The following NOTCH3 variants were observed in gnomAD, a reference collection of about 807,000 sequenced individuals.
The protein encoded by NOTCH3 is neurogenic locus notch homolog protein 3.
A neutral mutation model predicts 213.3 loss-of-function variants in NOTCH3; 86 were observed. The observed-to-expected ratio is 0.40, with a 90% CI of 0.34 to 0.48. The LOEUF (loss-of-function observed/expected upper bound fraction) is 0.48, where lower values mean the gene tolerates loss of function less well. NOTCH3 is among the 20% of genes least tolerant of loss of function. The pLI, the probability that NOTCH3 is intolerant of heterozygous loss-of-function variation, is 0.57. For missense variants in NOTCH3, 2,783 were observed against 3,272.6 expected (o/e 0.85, Z 3.65); for synonymous variants, 1,354 against 1,355.9 (o/e 1.00, Z 0.03).
At position 15,160,972 on chromosome 19, in the gene NOTCH3, T is replaced by G; in HGVS notation, c.6656A>C (p.Glu2219Ala). The G allele has an allele frequency of 1.9e-6, 3 of 1,570,826 alleles. No individual in the cohort carries two copies. Among genetic ancestry groups the G allele is most frequent in the Admixed American group, 3.7e-5 (2 of 54,132 alleles). ...GTGTGCCCCAGCCGCCGGGTACTCC[T>G]CGCCATGTCCTGGGACTGCCAGGTA... ...PPYLAVPGHG[E>A]EYPAAGAHSS... Residue 2219 changes from glutamate to alanine, a missense_variant, in exon 33 of 33, where the codon GAG becomes GCG. Transcript: ENST00000263388.
In NOTCH3 at chr19:15,187,178, C is replaced by G. The variant is rs762273376; in HGVS notation, c.1767G>C (p.Gln589His). Residue 589 changes from glutamine to histidine, a missense_variant, in exon 11 of 33, where the codon CAG (glutamine) becomes CAC (histidine). This residue lies in a region of NOTCH3 where 708 missense variants were observed against 906.6 expected (regional missense o/e 0.78). Coordinates refer to ENST00000263388, the MANE Select transcript of NOTCH3 (RefSeq NM_000435.3). ...GGCATTTGCCGCCATGGCGGCAGGG[C>G]TGGCTGCGGCATTCGTCCACCTGGC... ...CESQVDECRS[Q>H]PCRHGGKCLD... 1.2e-6 allele frequency: 2 copies of G among 1,614,088 alleles called. No homozygotes were observed. The highest frequency in any genetic ancestry group is 1.3e-5 in the African/African-American group (1 of 75,068).
rs2046820478 is a variant in NOTCH3, at chr19:15,179,416, T to C, written c.3408A>G (p.Ser1136=). The change falls in exon 21 of 33, where the codon TCA becomes TCG. Residue 1136 remains serine (S), a synonymous_variant. Transcript: ENST00000263388. The part of the protein sequence containing the change: ...CASQPCQHGG[S]CIDLVARYLC... ...GATAGCGGGCCACGAGGTCAATGCA[T>C]GAACCCCCGTGCTGGCAGGGCTGGG... The C allele has an allele frequency of 1.2e-6, 2 of 1,614,034 alleles. No homozygotes were observed. The highest frequency in any genetic ancestry group is 1.3e-5 in the African/African-American group (1 of 75,012).
intron 31 of NOTCH3, among the ~76,000 whole-genome samples, chr19:15,163,774 A>C (rs7245850): frequency 0.9 from 136,952 of 152,108 alleles, 61,961 homozygotes; most frequent in African/African-American, 0.97. Flanking sequence ...GAGGCTGCAG[A>C]GAGCCGTAAT....
chr19:15,166,794 C>G lies in NOTCH3; in HGVS notation c.5362+455G>C, dbSNP rs371511821. Among the ~76,000 whole-genome samples, 72 of 152,258 alleles carry G rather than the reference C, an allele frequency of 4.7e-4. 1 individual carries two copies. The South Asian group carries it at 5.0e-3, about 11-fold the overall frequency. On this transcript the variant is annotated intron_variant, in intron 29 of 32. Transcript: ENST00000263388. The stretch of plus-strand genomic sequence containing the variant: ...TCTCAAGCCCTGGGTAGAGACTGAC[C>G]TCCCCGCTCCACCAGCAGACCCGAC...
chr19:15,197,441 G>GGCCCCCCC, intron 2 of NOTCH3, 59 bp downstream of exon 2: 7 of 768,358 alleles, frequency 9.1e-6, no homozygotes, highest in East Asian at 2.7e-5. Flanking sequence ...AAGACAAATC[G>GGCCCCCCC]CCCCTCCCCC....
At chr19:15,199,672 A>G (rs1446288712) in intron 1 of NOTCH3, among the ~76,000 whole-genome samples, 1 of 152,270 alleles carries the variant, frequency 6.6e-6, no homozygotes, top group African/African-American at 2.4e-5. Context: ...ACCTAGAGCT[A>G]TGTGTGCCAG....
At chr19:15,162,284 T>C in intron 32 of NOTCH3, 181 bp downstream of exon 32, 2 of 607,458 alleles carry the variant, frequency 3.3e-6, no homozygotes, top group Non-Finnish European at 5.9e-6. Context: ...ACCCAGCCAT[T>C]AGGCACAAAA....
intron 29 of NOTCH3, among the ~76,000 whole-genome samples, chr19:15,166,818 AC>A (rs1186109197): frequency 6.6e-6 from 1 of 151,808 alleles, no homozygotes; most frequent in Non-Finnish European, 1.5e-5. Context: ...AGCAGACCCG[AC>A]CCCCACCAGC....
At position 15,159,524 on chromosome 19, in the gene NOTCH3, AG is replaced by A. The variant is rs1489442418; in HGVS notation, c.*1137del. On this transcript the variant is annotated 3_prime_UTR_variant, in exon 33 of 33. Coordinates refer to ENST00000263388, the MANE Select transcript of NOTCH3 (RefSeq NM_000435.3). ...AAGAGGAAGCATAAGTAGACTGGCA[AG>A]TCAAATGTATTTACCCCAAGATGGG... 9.8e-6 allele frequency: 2 copies of A among 204,396 alleles called. No individual in the cohort carries two copies. The highest frequency in any genetic ancestry group is 2.0e-5 in the Non-Finnish European group (2 of 99,852). The allele number at this position is 204,396 out of a possible 1,614,324, so 12.7% of individuals were successfully genotyped here.
chr19:15,161,008 C>T lies in NOTCH3; in HGVS notation c.6620G>A (p.Arg2207Gln), dbSNP rs765739997. Residue 2207 changes from arginine to glutamine, a missense_variant, in exon 33 of 33, where the codon CGG becomes CAG. Around this residue, in one of 6 missense-constraint regions of NOTCH3, gnomAD observed 441 missense variants for 432.1 expected, o/e 1.02. Coordinates refer to ENST00000263388, the MANE Select transcript of NOTCH3 (RefSeq NM_000435.3). ...NPGTPVSPQE[R>Q]PPPYLAVPGH... ...TGGGACTGCCAGGTAAGGCGGGGGC[C>T]GCTCCTGCGGGGAGACGGGGGTCCC... 2.5e-5 allele frequency: 39 copies of T among 1,542,786 alleles called. No homozygotes were observed. In the Middle Eastern group the frequency reaches 5.2e-4, roughly 20 times the overall value.
chr19:15,195,590 G>A (rs901751021), intron 2 of NOTCH3, among the ~76,000 whole-genome samples: 1 of 141,896 alleles, frequency 7.0e-6, no homozygotes, highest in Admixed American at 7.1e-5. Context: ...CCCCCACCCC[G>A]GCCCCCAGCG....
In NOTCH3 at chr19:15,167,346, C is replaced by T. The variant is rs1021237220; in HGVS notation, c.5265G>A (p.Leu1755=). ...VDCRQWTQHH[L]VAADIRVAPA... ...GTGCCACGCGGATGTCAGCAGCAAC[C>T]AGATGGTGTTGAGTCCACTGACGGC... is the stretch of plus-strand genomic sequence containing the variant. The change falls in exon 29 of 33, where the codon CTG becomes CTA. Residue 1755 remains leucine (L), a synonymous_variant. Transcript: ENST00000263388. 9 of 1,612,594 alleles carry T rather than the reference C, an allele frequency of 5.6e-6. No homozygotes were observed. The Admixed American group carries it at 1.2e-4, about 21-fold the overall frequency.
In NOTCH3 at chr19:15,185,589, C is replaced by T. The variant is rs2046875150; in HGVS notation, c.2042G>A (p.Cys681Tyr). The change falls in exon 13 of 33, where the codon TGC (cysteine) becomes TAC (tyrosine). Residue 681 changes from cysteine (C) to tyrosine (Y), a missense_variant. By Grantham distance (194) the Cys-to-Tyr change is radical. Transcript: ENST00000263388. This position sits in a 1 kb window ranked among gnomAD's most constrained non-coding sequence, Gnocchi z 4.2. ...SCVDGENGFR[C>Y]LCPPGSLPPL... ...GGGCAAGGAGCCAGGCGGGCAGAGG[C>T]AGCGGAAGCCATTTTCCCCATCCAC... The T allele has an allele frequency of 6.2e-7, 1 of 1,613,632 alleles. No individual in the cohort carries two copies. Among genetic ancestry groups the T allele is most frequent in the South Asian group, 1.1e-5 (1 of 91,082 alleles).
intron 16 of NOTCH3, among the ~76,000 whole-genome samples, chr19:15,182,674 C>T (rs1406786642): frequency 6.6e-6 from 1 of 151,268 alleles, no homozygotes; most frequent in Non-Finnish European, 1.5e-5. Flanking sequence ...TGGGGTTTCG[C>T]TCTTGTTGCC....
intron 2 of NOTCH3, among the ~76,000 whole-genome samples, chr19:15,196,581 C>T (rs894049812): frequency 6.6e-6 from 1 of 152,158 alleles, no homozygotes; most frequent in Admixed American, 6.6e-5. Context: ...ATGGCTACTG[C>T]GTGAACTGCT....
chr19:15,179,679 C>G (rs1407132811), intron 20 of NOTCH3, 183 bp from the exon 21 acceptor site: 1 of 661,770 alleles, frequency 1.5e-6, no homozygotes, highest in South Asian at 1.7e-5. Context: ...ATCAGGAGTT[C>G]GAGACCAGCC....
At chr19:15,190,551 C>T (rs1185957030) in intron 6 of NOTCH3, among the ~76,000 whole-genome samples, 4 of 152,176 alleles carry the variant, frequency 2.6e-5, no homozygotes, top group South Asian at 2.1e-4. Flanking sequence ...CAGGCTTACA[C>T]TTCCCCACTA....
chr19:15,200,070 G>C (rs2046999911), intron 1 of NOTCH3, among the ~76,000 whole-genome samples: 2 of 151,382 alleles, frequency 1.3e-5, no homozygotes, highest in Admixed American at 1.3e-4. Flanking sequence ...GCCCCTGGCC[G>C]GCTGGGGAGG....
rs778762488 is a variant in NOTCH3, at chr19:15,200,743, C to T, written c.118+45G>A. The T allele has an allele frequency of 2.4e-6, 3 of 1,233,772 alleles. No individual in the cohort carries two copies. The East Asian group carries it at 9.6e-5, about 39-fold the overall frequency. The allele number at this position is 1,233,772 out of a possible 1,614,324, so 76.4% of individuals were successfully genotyped here. On this transcript the variant is annotated intron_variant, in intron 1 of 32. Transcript: ENST00000263388. ...CCCGGCCTTGGGGGTTCTTGCACTC[C>T]CCCTCTGCCGCCCTCGTCCCATCCG... is the stretch of plus-strand genomic sequence containing the variant.
Sources: gnomAD v4.1 joint callset for allele counts (sites outside exome capture counted in the v4.1 genomes callset) on GRCh38, gnomAD v4.1.1 for gene constraint, gnomAD v4.1.1 regional missense constraint, Gnocchi (gnomAD v3.1) non-coding constraint, MANE v1.5 for transcripts, NCBI Gene and HGNC (gene_info 2026-07-23, HGNC 2026-07-21) for gene names.